The following VPS13B variants were observed in gnomAD, a reference collection of about 807,000 sequenced individuals.
VPS13B encodes the protein intermembrane lipid transfer protein VPS13B.
In VPS13B, 285 loss-of-function variants were observed where a neutral mutation model predicts 426.4. The ratio of observed to expected loss-of-function variants is 0.67; its 90% CI spans 0.61 to 0.74. The LOEUF is 0.74. VPS13B is among the 30% of genes least tolerant of loss of function. The pLI is 0.00. For missense variants in VPS13B, 4,537 were observed against 4,782.6 expected (o/e 0.95, Z 1.51); for synonymous variants, 1,676 against 1,676.4 (o/e 1.00, Z 0.01).
rs1814277012 is a variant in VPS13B at position 99,820,091 on chromosome 8, C to T, written c.8963C>T (p.Ala2988Val). ...GAGAAAATTGTTCTACAGGTTCCTG[C>T]TGGCAAAATTATTATTCCTCCTAAT... The part of the protein sequence containing the change: ...EGEKIVLQVP[A>V]GKIIIPPNFQ... The change falls in exon 49 of 62, where the codon GCT becomes GTT. Residue 2988 changes from alanine (A) to valine (V), a missense_variant. By Grantham distance (64) the Ala-to-Val change is moderately conservative. Around this residue, in one of 2 missense-constraint regions of VPS13B, gnomAD observed 4,311 missense variants for 4,474.3 expected, o/e 0.96. Transcript: ENST00000357162. 6.8e-6 allele frequency: 11 copies of T among 1,613,906 alleles called. No homozygotes were observed. The highest frequency in any genetic ancestry group is 8.5e-6 in the Non-Finnish European group (10 of 1,179,842).
At chr8:99,165,088 ATATT>A (rs1811923276) in intron 15 of VPS13B, among the ~76,000 whole-genome samples, 1 of 152,200 alleles carries the variant, frequency 6.6e-6, no homozygotes, top group Non-Finnish European at 1.5e-5. Flanking sequence ...AAAATTGTAT[ATATT>A]ATTGTTTATA....
intron 33 of VPS13B, among the ~76,000 whole-genome samples, chr8:99,598,165 A>G (rs2014781660): frequency 6.6e-6 from 1 of 152,026 alleles, no homozygotes. Context: ...GCAGCTAGAC[A>G]ATGACTTAAA....
intron 21 of VPS13B, among the ~76,000 whole-genome samples, chr8:99,392,826 C>G (rs549654209): frequency 1.3e-4 from 20 of 151,984 alleles, no homozygotes; most frequent in Non-Finnish European, 2.8e-4. Flanking sequence ...CTGTCCATAG[C>G]CACAAGCCTT....
At position 99,294,705 on chromosome 8, in the gene VPS13B, T is replaced by G. The variant is rs575635492; in HGVS notation, c.2824+19451T>G. Among the ~76,000 whole-genome samples, 3 of 152,304 alleles carry G rather than the reference T, an allele frequency of 2.0e-5. No homozygotes were observed. The East Asian group carries it at 5.8e-4, about 29-fold the overall frequency. On this transcript the variant is annotated intron_variant, in intron 19 of 61. Coordinates refer to ENST00000357162, the MANE Select transcript of VPS13B (RefSeq NM_152564.5). ...GGATCTTAATCTTGGTGTAAATCAC[T>G]TGAGCTCAATTTGATTGTTTCTTAA...
chr8:99,441,906 A>AAAGTGAAAG (rs1817697054), intron 22 of VPS13B, among the ~76,000 whole-genome samples: 2 of 152,128 alleles, frequency 1.3e-5, no homozygotes, highest in African/African-American at 4.8e-5. Flanking sequence ...TGTGATATAA[A>AAAGTGAAAG]CATGTTCTTT....
intron 24 of VPS13B, among the ~76,000 whole-genome samples, chr8:99,475,920 G>A (rs942298135): frequency 6.6e-6 from 1 of 152,188 alleles, no homozygotes; most frequent in Non-Finnish European, 1.5e-5. Context: ...ATCTCTTTAT[G>A]TAATTCTACT....
chr8:99,803,162 C>T (rs573235738), intron 43 of VPS13B, among the ~76,000 whole-genome samples: 2 of 152,188 alleles, frequency 1.3e-5, no homozygotes, highest in Non-Finnish European at 2.9e-5. Flanking sequence ...AGAATTGATG[C>T]ATCAATAGGT....
intron 35 of VPS13B, among the ~76,000 whole-genome samples, chr8:99,672,366 A>C: frequency 6.6e-6 from 1 of 152,122 alleles, no homozygotes; most frequent in Non-Finnish European, 1.5e-5. Flanking sequence ...GTATTTAATA[A>C]TTTTTTTAGC....
chr8:99,394,322 C>G (rs574438463), intron 21 of VPS13B, among the ~76,000 whole-genome samples: 6 of 152,098 alleles, frequency 3.9e-5, no homozygotes, highest in African/African-American at 1.4e-4. Flanking sequence ...AATACAAAGA[C>G]CTGCTGATAC....
intron 2 of VPS13B, among the ~76,000 whole-genome samples, chr8:99,017,535 C>G (rs1841685251): frequency 2.0e-5 from 3 of 151,468 alleles, no homozygotes; most frequent in South Asian, 2.1e-4. Context: ...TGCTCTGTAG[C>G]CCAGGCTGGA....
chr8:99,102,887 A>T, intron 4 of VPS13B, 66 bp from the exon 5 acceptor site: 1 of 1,411,070 alleles, frequency 7.1e-7, no homozygotes, highest in East Asian at 2.3e-5. Flanking sequence ...GTTCAATAAC[A>T]CTTTAAGAAA....
chr8:99,312,774 G>C (rs191068469), intron 19 of VPS13B, among the ~76,000 whole-genome samples: 1 of 152,226 alleles, frequency 6.6e-6, no homozygotes, highest in East Asian at 1.9e-4. Context: ...TTCTGACTTG[G>C]TTCCATTCTC....
chr8:99,581,291 C>T (rs1826048244), intron 33 of VPS13B, among the ~76,000 whole-genome samples: 1 of 151,880 alleles, frequency 6.6e-6, no homozygotes, highest in South Asian at 2.1e-4. Context: ...GAAGTGAAAA[C>T]CGTAAAGTAA....
At chr8:99,560,859 A>T (rs1194287611) in intron 31 of VPS13B, among the ~76,000 whole-genome samples, 2 of 152,202 alleles carry the variant, frequency 1.3e-5, no homozygotes, top group African/African-American at 4.8e-5. Flanking sequence ...TATAAAAGTC[A>T]CAGGTTATTG....
chr8:99,860,173 A>G (rs561951193), intron 57 of VPS13B, among the ~76,000 whole-genome samples: 97 of 152,372 alleles, frequency 6.4e-4, no homozygotes, highest in African/African-American at 2.1e-3. Flanking sequence ...GCATCTGACT[A>G]TAGGCCATAG....
chr8:99,274,325 A>T lies in VPS13B; in HGVS notation c.2643A>T (p.Lys881Asn), dbSNP rs148777544. ...TGGGATCAATAAAAATTTGTGCCAA[A>T]GCCCCAGGTATGTGCAGCTGGACCG... ...GTMGSIKICA[K>N]APVDSGKEKL... is the part of the protein sequence containing the mutation. The change falls in exon 18 of 62, where the codon AAA (lysine) becomes AAT (asparagine). Residue 881 changes from lysine (K) to asparagine (N), a missense_variant. Around this residue, in one of 2 missense-constraint regions of VPS13B, gnomAD observed 4,311 missense variants for 4,474.3 expected, o/e 0.96. Transcript: ENST00000357162. The T allele has an allele frequency of 4.2e-4, 680 of 1,614,100 alleles. 2 individuals are homozygous for T. In the African/African-American group the frequency reaches 8.3e-3, roughly 20 times the overall value.
chr8:99,102,076 T>G (rs1208686073), intron 4 of VPS13B, among the ~76,000 whole-genome samples: 3 of 152,110 alleles, frequency 2.0e-5, no homozygotes, highest in Non-Finnish European at 4.4e-5. Context: ...TGTACACACT[T>G]ACATGAGAAA....
At chr8:99,458,076 C>G (rs544436720) in intron 23 of VPS13B, among the ~76,000 whole-genome samples, 1 of 140,616 alleles carries the variant, frequency 7.1e-6, no homozygotes, top group African/African-American at 2.7e-5. Flanking sequence ...CTCCCCCCAA[C>G]CCCACAACAG....
At chr8:99,160,027 A>T (rs576183076) in intron 15 of VPS13B, among the ~76,000 whole-genome samples, 1 of 152,086 alleles carries the variant, frequency 6.6e-6, no homozygotes, top group Admixed American at 6.5e-5. Context: ...CACTTAATAG[A>T]CTACAGTATA....
Sources: gnomAD v4.1 joint callset for allele counts (sites outside exome capture counted in the v4.1 genomes callset) on GRCh38, gnomAD v4.1.1 for gene constraint, gnomAD v4.1.1 regional missense constraint, MANE v1.5 for transcripts, NCBI Gene and HGNC (gene_info 2026-07-23, HGNC 2026-07-21) for gene names.